ABCA6: variants seen among roughly 807,000 people sequenced by gnomAD.
ABCA6 encodes ATP binding cassette subfamily A member 6.
A neutral mutation model predicts 191.2 loss-of-function variants in ABCA6; 164 were observed. The ratio of observed to expected loss-of-function variants is 0.86; its 90% CI spans 0.76 to 0.98. The LOEUF is 0.98. Among genes scored for constraint, ABCA6 ranks in the 50% least tolerant of loss-of-function variants. The probability of loss-of-function intolerance (pLI) is 0.00; values close to 1 mark genes in which losing one functional copy is unlikely to be tolerated. For missense variants in ABCA6, 1,958 were observed against 1,894.1 expected (o/e 1.03, Z -0.63); for synonymous variants, 636 against 647.7 (o/e 0.98, Z 0.27).
chr17:69,085,103 G>T lies in ABCA6; in HGVS notation c.4109C>A (p.Thr1370Lys). Residue 1370 changes from threonine to lysine, a missense_variant, in exon 32 of 39, where the codon ACG becomes AAG. Thr to Lys is a moderately conservative substitution (Grantham distance 78). Coordinates refer to ENST00000284425, the MANE Select transcript of ABCA6 (RefSeq NM_080284.3). ...ATACACCTCCAGGTGTTCCCTCAAC[G>T]TCAGCATGGGCCACAGCACGTTCTC... ...PQENVLWPML[T>K]LREHLEVYAA... The T allele has an allele frequency of 6.2e-7, 1 of 1,613,440 alleles. No individual in the cohort carries two copies. Among genetic ancestry groups the T allele is most frequent in the Non-Finnish European group, 8.5e-7 (1 of 1,179,776 alleles).
chr17:69,090,818 C>A (rs2072906793), intron 26 of ABCA6, among the ~76,000 whole-genome samples: 2 of 152,168 alleles, frequency 1.3e-5, no homozygotes, highest in African/African-American at 4.8e-5. Flanking sequence ...CTGGCATTAC[C>A]CATATTTGAA....
intron 8 of ABCA6, among the ~76,000 whole-genome samples, chr17:69,126,328 A>C (rs1311381332): frequency 6.6e-6 from 1 of 152,140 alleles, no homozygotes; most frequent in Non-Finnish European, 1.5e-5. Context: ...TGAATCAAAT[A>C]AAAATGTGTA....
At chr17:69,114,661 T>C (rs2073501461) in intron 13 of ABCA6, 101 bp downstream of exon 13, 26 of 1,229,766 alleles carry the variant, frequency 2.1e-5, no homozygotes, top group Non-Finnish European at 2.6e-5. Context: ...GCCTAAATTT[T>C]ATTCATAACA....
chr17:69,084,717 T>G (rs939548559), intron 32 of ABCA6, among the ~76,000 whole-genome samples: 2 of 152,130 alleles, frequency 1.3e-5, no homozygotes, highest in Non-Finnish European at 2.9e-5. Flanking sequence ...AAACTAGAAT[T>G]CTGAATGAGA....
At chr17:69,128,593 A>T in intron 8 of ABCA6, 26 bp downstream of exon 8, 1 of 1,578,224 alleles carries the variant, frequency 6.3e-7, no homozygotes, top group Non-Finnish European at 8.6e-7. Flanking sequence ...AAATTTCAGT[A>T]ATAAACCAAT....
intron 13 of ABCA6, 71 bp downstream of exon 13, chr17:69,114,691 G>T: frequency 7.2e-7 from 1 of 1,396,878 alleles, no homozygotes. Flanking sequence ...AATCATTGAA[G>T]AGAATTCTGT....
At chr17:69,129,508 G>T (rs1488008307) in intron 7 of ABCA6, 102 bp downstream of exon 7, 12 of 972,216 alleles carry the variant, frequency 1.2e-5, no homozygotes, top group Non-Finnish European at 1.7e-5. Context: ...ACACACAATG[G>T]ACATGAAAGT....
chr17:69,086,790 T>C lies in ABCA6; in HGVS notation c.3820-55A>G, dbSNP rs542688509. ...TTAAATTTCAGAGACTTTAGGTCTC[T>C]GCTGGAACCTTTCATGCCTTATGTC... is the stretch of plus-strand genomic sequence containing the variant. On this transcript the variant is annotated intron_variant, in intron 29 of 38. Transcript: ENST00000284425. 26 of 1,239,972 alleles carry C rather than the reference T, an allele frequency of 2.1e-5. No homozygotes were observed. In the African/African-American group the frequency reaches 2.4e-4, roughly 12 times the overall value. The allele number at this position is 1,239,972 out of a possible 1,614,324, so 76.8% of individuals were successfully genotyped here.
Position 69,096,621 on chromosome 17 carries a change from T to C in ABCA6, c.3294+7A>G. Reference sequence around the variant, plus strand: ...ATGAAATTTGGTTTATGTACTGTGTTACTTACCAAAGCAAACACAATTTGG... The same window carrying C: ...ATGAAATTTGGTTTATGTACTGTGTCACTTACCAAAGCAAACACAATTTGG... On this transcript the variant is annotated splice_region_variant and intron_variant, in intron 24 of 38. Transcript: ENST00000284425. 3 of 1,520,338 alleles carry C rather than the reference T, an allele frequency of 2.0e-6. No homozygotes were observed. In the South Asian group the frequency reaches 4.1e-5, roughly 21 times the overall value. 94.2% of individuals were successfully genotyped at this position (1,520,338 alleles called of 1,614,324 possible).
chr17:69,134,377 C>T (rs112387102), intron 5 of ABCA6, among the ~76,000 whole-genome samples: 63 of 152,238 alleles, frequency 4.1e-4, no homozygotes, highest in Middle Eastern at 3.4e-3. Context: ...AGTTTTTGCT[C>T]TCCATTCTTT....
intron 36 of ABCA6, among the ~76,000 whole-genome samples, chr17:69,082,392 CACAT>C (rs2072660032): frequency 6.6e-6 from 1 of 151,982 alleles, no homozygotes; most frequent in East Asian, 1.9e-4. Context: ...CACACATACA[CACAT>C]ACCCCTTTCC....
At position 69,141,882 on chromosome 17, in the gene ABCA6, A is replaced by T. The variant is rs2074027428; in HGVS notation, c.-183T>A. 6.6e-6 allele frequency: 1 copy of T among 152,046 alleles called. No individual in the cohort carries two copies. The highest frequency in any genetic ancestry group is 2.1e-4 in the South Asian group (1 of 4,832). The allele number at this position is 152,046 out of a possible 1,614,324, so 9.4% of individuals were successfully genotyped here. ...GGGTGCCTACTCCAGCAGCTCTTAC[A>T]CAGCCTGGTTTCTGAAAAGGGGTGT... On this transcript the variant is annotated 5_prime_UTR_variant, in exon 1 of 39. Transcript: ENST00000284425.
intron 17 of ABCA6, chr17:69,110,555 T>C: frequency 2.5e-6 from 1 of 394,730 alleles, no homozygotes; most frequent in Non-Finnish European, 4.6e-6. Context: ...CACAGTAATC[T>C]GCTCCAGAAT....
chr17:69,119,750 TCACA>T (rs926221464), intron 10 of ABCA6, among the ~76,000 whole-genome samples: 1 of 152,036 alleles, frequency 6.6e-6, no homozygotes, highest in Non-Finnish European at 1.5e-5. Flanking sequence ...ATACATGCAC[TCACA>T]CACACATATG....
At chr17:69,100,207 T>C (rs1244481303) in intron 22 of ABCA6, among the ~76,000 whole-genome samples, 1 of 151,912 alleles carries the variant, frequency 6.6e-6, no homozygotes, top group Non-Finnish European at 1.5e-5. Flanking sequence ...ATGTAGGGGG[T>C]CCTCTGCTCT....
chr17:69,091,743 C>T (rs2072927940), intron 25 of ABCA6, among the ~76,000 whole-genome samples: 2 of 21,344 alleles, frequency 9.4e-5, no homozygotes, highest in Admixed American at 3.6e-4. Flanking sequence ...GGGATGGTCT[C>T]GATCTCCTGA....
intron 36 of ABCA6, among the ~76,000 whole-genome samples, chr17:69,081,848 T>G (rs1165758870): frequency 1.3e-5 from 2 of 152,222 alleles, no homozygotes; most frequent in African/African-American, 4.8e-5. Flanking sequence ...AGTTGGAGAT[T>G]GCAGTAGAGG....
At chr17:69,096,161 G>T in intron 25 of ABCA6, 79 bp downstream of exon 25, 1 of 618,912 alleles carries the variant, frequency 1.6e-6, no homozygotes, top group South Asian at 5.9e-5. Flanking sequence ...CTGTCTTAAG[G>T]CAGACATCTG....
Position 69,105,470 on chromosome 17 carries a change from T to G in ABCA6, c.2732A>C (p.Asn911Thr), listed in dbSNP as rs755050095. Residue 911 changes from asparagine to threonine, a missense_variant, in exon 20 of 39, where the codon AAT becomes ACT. Physicochemically the swap from Asn to Thr is moderately conservative, Grantham distance 65. Transcript: ENST00000284425. Reference protein sequence around the residue: ...QEPRTSLLIINNTESNIEDFI... With the variant: ...QEPRTSLLIITNTESNIEDFI... ...TTTATTTTTCTTTTCACCTGTGTTA[T>G]TGATGATCAACAGGCTGGTACGGGG... The G allele has an allele frequency of 6.2e-7, 1 of 1,605,630 alleles. No homozygotes were observed. Among genetic ancestry groups the G allele is most frequent in the Non-Finnish European group, 8.5e-7 (1 of 1,178,190 alleles).
Sources: allele counts gnomAD v4.1 joint callset (sites outside exome capture counted in the v4.1 genomes callset), GRCh38; gene constraint gnomAD v4.1.1; transcripts MANE v1.5; gene names NCBI Gene and HGNC (gene_info 2026-07-23, HGNC 2026-07-21).